The following ZNF622 variants were observed in gnomAD, a reference collection of about 807,000 sequenced individuals.
The protein encoded by ZNF622 is cytoplasmic 60S subunit biogenesis factor ZNF622.
ZNF622 carries 34 observed loss-of-function variants against 49.7 expected under a neutral mutation model. That is an observed-to-expected ratio of 0.68 (90% CI 0.52 to 0.91). The LOEUF (loss-of-function observed/expected upper bound fraction) is 0.91, where lower values mean the gene tolerates loss of function less well. Among genes scored for constraint, ZNF622 ranks in the 40% least tolerant of loss-of-function variants. ZNF622 has a pLI of 0.00. For synonymous variants in ZNF622, 209 were observed against 228.7 expected, an observed-to-expected ratio of 0.91 and a Z score of 0.78; for missense variants, 569 against 616.4, an observed-to-expected ratio of 0.92 and a Z score of 0.81.
chr5:16,463,256 C>T lies in ZNF622; in HGVS notation c.901G>A (p.Val301Ile). 2 of 1,597,110 alleles carry T rather than the reference C, an allele frequency of 1.3e-6. No individual in the cohort carries two copies. Among genetic ancestry groups the T allele is most frequent in the Non-Finnish European group, 1.7e-6 (2 of 1,176,008 alleles). ...TTGCACCACAAGCAAATCTTGCCAA[C>T]ACCAACTTTCTCTCCTAGAAAAATA... Reference protein sequence around the residue: ...LIKYLGEKVGVGKICLWCNEK... With the variant: ...LIKYLGEKVGIGKICLWCNEK... Residue 301 changes from valine (V) to isoleucine (I), a missense_variant, in exon 3 of 6, where the codon GTT (valine) becomes ATT (isoleucine). By Grantham distance (29) the Val-to-Ile change is conservative. Coordinates refer to ENST00000308683, the MANE Select transcript of ZNF622 (RefSeq NM_033414.3). The surrounding 1 kb of genome is among the most constrained non-coding windows in gnomAD (Gnocchi z 4.2).
intron 4 of ZNF622, among the ~76,000 whole-genome samples, chr5:16,454,518 A>ACAAAGGTATTG (rs1255217977): frequency 6.8e-6 from 1 of 146,296 alleles, no homozygotes; most frequent in Non-Finnish European, 1.5e-5. Flanking sequence ...AAACTATGGG[A>ACAAAGGTATTG]CAAAGGTATT....
intron 3 of ZNF622, among the ~76,000 whole-genome samples, chr5:16,460,248 T>C (rs1262332343): frequency 6.6e-6 from 1 of 152,224 alleles, no homozygotes; most frequent in Admixed American, 6.5e-5. Flanking sequence ...ATGTTCAGTA[T>C]GGACAAAATT....
rs1371793437 is a variant in ZNF622 at position 16,464,595 on chromosome 5, C to T, written c.625+446G>A. Among the ~76,000 whole-genome samples the T allele has an allele frequency of 2.6e-5, 4 of 152,286 alleles. 1 individual carries two copies. In the South Asian group the frequency reaches 8.3e-4, roughly 32 times the overall value. On this transcript the variant is annotated intron_variant, in intron 1 of 5. Transcript: ENST00000308683. ...AAAGGCAAAGAGGTGAGGGTGCTGG[C>T]TCCAGCTCCAAATTTCTGGCTGAGT...
chr5:16,463,527 C>G lies in ZNF622; in HGVS notation c.841G>C (p.Asp281His). The change falls in exon 2 of 6, where the codon GAT becomes CAT. Residue 281 changes from aspartate to histidine, a missense_variant. Coordinates refer to ENST00000308683, the MANE Select transcript of ZNF622 (RefSeq NM_033414.3). This position sits in a 1 kb window ranked among gnomAD's most constrained non-coding sequence, Gnocchi z 4.2. ...TTAATATCTGAAAGATATTCTATAT[C>G]AGGAATAAAGAAACTGTGGTCTTTG... ...MTKDHSFFIP[D>H]IEYLSDIKGL... 6.2e-7 allele frequency: 1 copy of G among 1,613,440 alleles called. No individual in the cohort carries two copies.
intron 5 of ZNF622, 123 bp downstream of exon 5, chr5:16,452,890 C>T: frequency 9.2e-7 from 1 of 1,086,056 alleles, no homozygotes; most frequent in South Asian, 4.2e-5. Flanking sequence ...TCCCTGGAGC[C>T]AAGACGTTAC....
intron 5 of ZNF622, among the ~76,000 whole-genome samples, chr5:16,452,463 A>C (rs1402815791): frequency 6.6e-6 from 1 of 152,230 alleles, no homozygotes; most frequent in Non-Finnish European, 1.5e-5. Context: ...ATTACAAAAA[A>C]GGGGACTGAT....
In ZNF622 at chr5:16,465,107, C is replaced by A. The variant is rs367840829; in HGVS notation, c.559G>T (p.Ala187Ser). The change falls in exon 1 of 6, where the codon GCG becomes TCG. Residue 187 changes from alanine (A) to serine (S), a missense_variant. Transcript: ENST00000308683. This position sits in a 1 kb window ranked among gnomAD's most constrained non-coding sequence, Gnocchi z 6.2. ...PPRLQWFEQQ[A>S]KKLAKQQEED... ...TCCTGCTGCTTTGCCAACTTCTTCG[C>A]CTGCTGTTCAAACCACTGGAGCCGG... is the stretch of plus-strand genomic sequence containing the variant. 2.6e-5 allele frequency: 42 copies of A among 1,613,110 alleles called. No individual in the cohort carries two copies. The highest frequency in any genetic ancestry group is 1.6e-4 in the Middle Eastern group (1 of 6,072).
intron 4 of ZNF622, among the ~76,000 whole-genome samples, chr5:16,455,326 A>G (rs1390178427): frequency 6.6e-6 from 1 of 152,236 alleles, no homozygotes; most frequent in East Asian, 1.9e-4. Flanking sequence ...GCATAAGAAA[A>G]TTATTTTGGT....
chr5:16,457,645 A>G (rs1210142783), intron 4 of ZNF622, among the ~76,000 whole-genome samples: 5 of 152,216 alleles, frequency 3.3e-5, no homozygotes, highest in Non-Finnish European at 7.3e-5. Context: ...GTGGAAAGCC[A>G]TAAGACAAGG....
chr5:16,457,127 T>C lies in ZNF622; in HGVS notation c.1162+1390A>G, dbSNP rs148400483. On this transcript the variant is annotated intron_variant, in intron 4 of 5. Coordinates refer to ENST00000308683, the MANE Select transcript of ZNF622 (RefSeq NM_033414.3). ...TCTAGATGAAAACTTCTCTGAAACA[T>C]CCTAGATTTCTTGAATAGATATGCT... Among the ~76,000 whole-genome samples, 48 of 152,346 alleles carry C rather than the reference T, an allele frequency of 3.2e-4. No individual in the cohort carries two copies. The East Asian group carries it at 8.5e-3, about 27-fold the overall frequency.
chr5:16,459,215 C>T (rs557317024), intron 3 of ZNF622, among the ~76,000 whole-genome samples: 5 of 152,250 alleles, frequency 3.3e-5, no homozygotes, highest in African/African-American at 1.2e-4. Context: ...AAAGGCTATT[C>T]ATAGATACAC....
In ZNF622 at chr5:16,465,278, C is replaced by T. The variant is rs1184168802; in HGVS notation, c.388G>A (p.Ala130Thr). The T allele has an allele frequency of 2.5e-6, 4 of 1,614,140 alleles. No homozygotes were observed. Among genetic ancestry groups the T allele is most frequent in the Admixed American group, 1.7e-5 (1 of 60,012 alleles). ...GCCTTGATGGCCTGCTGGATGGCCG[C>T]GTTCATGGCATCCTTGTCCACACTG... ...VDSVDKDAMNAAIQQAIKAQP... is the reference protein window; with the variant it reads ...VDSVDKDAMNTAIQQAIKAQP... The change falls in exon 1 of 6, where the codon GCG (alanine) becomes ACG (threonine). Residue 130 changes from alanine (A) to threonine (T), a missense_variant. Physicochemically the swap from Ala to Thr is moderately conservative, Grantham distance 58. Coordinates refer to ENST00000308683, the MANE Select transcript of ZNF622 (RefSeq NM_033414.3). This position sits in a 1 kb window ranked among gnomAD's most constrained non-coding sequence, Gnocchi z 6.2.
rs961943821 is a variant in ZNF622 at position 16,463,684 on chromosome 5, G to T, written c.684C>A (p.Asp228Glu). ...CCTCTGCATCCTGCTCCACCACATC[G>T]TCCATTGCTTCAGTATCCTCACATT... is the stretch of plus-strand genomic sequence containing the variant. ...ELECEDTEAM[D>E]DVVEQDAEEE... The change falls in exon 2 of 6, where the codon GAC (aspartate) becomes GAA (glutamate). Residue 228 changes from aspartate (D) to glutamate (E), a missense_variant. Coordinates refer to ENST00000308683, the MANE Select transcript of ZNF622 (RefSeq NM_033414.3). The surrounding 1 kb of genome is among the most constrained non-coding windows in gnomAD (Gnocchi z 4.2). 1.2e-6 allele frequency: 2 copies of T among 1,614,170 alleles called. No individual in the cohort carries two copies. Among genetic ancestry groups the T allele is most frequent in the South Asian group, 1.1e-5 (1 of 91,084 alleles).
chr5:16,453,167 A>G lies in ZNF622; in HGVS notation c.1163-11T>C. Reference sequence around the variant, plus strand: ...GACCCACTCTGGCACCTGTTTTTCAAAAGAGCAATACTGAAACACTGAGTT... The same window carrying G: ...GACCCACTCTGGCACCTGTTTTTCAGAAGAGCAATACTGAAACACTGAGTT... On this transcript the variant is annotated splice_polypyrimidine_tract_variant and intron_variant, in intron 4 of 5. Coordinates refer to ENST00000308683, the MANE Select transcript of ZNF622 (RefSeq NM_033414.3). 6.7e-7 allele frequency: 1 copy of G among 1,497,968 alleles called. No homozygotes were observed. The highest frequency in any genetic ancestry group is 9.0e-7 in the Non-Finnish European group (1 of 1,113,998). The allele number at this position is 1,497,968 out of a possible 1,614,324, so 92.8% of individuals were successfully genotyped here.
chr5:16,451,811 T>G, intron 5 of ZNF622, 27 bp from the exon 6 acceptor site: 8 of 1,603,780 alleles, frequency 5.0e-6, no homozygotes, highest in Middle Eastern at 1.7e-4. Flanking sequence ...GTTAAGAAAT[T>G]AGGCAAAGTT....
rs1392179668 is a variant in ZNF622 at position 16,465,078 on chromosome 5, C to G, written c.588G>C (p.Glu196Asp). The change falls in exon 1 of 6, where the codon GAG (glutamate) becomes GAC (aspartate). Residue 196 changes from glutamate to aspartate, a missense_variant. Glu to Asp is a conservative substitution (Grantham distance 45, BLOSUM62 2). Coordinates refer to ENST00000308683, the MANE Select transcript of ZNF622 (RefSeq NM_033414.3). The surrounding 1 kb of genome is among the most constrained non-coding windows in gnomAD (Gnocchi z 6.2). ...QAKKLAKQQEEDSEEEEEDLD... is the reference protein window; with the variant it reads ...QAKKLAKQQEDDSEEEEEDLD... ...GGTCCTCTTCCTCCTCCTCGCTGTC[C>G]TCCTCCTGCTGCTTTGCCAACTTCT... The G allele has an allele frequency of 6.2e-7, 1 of 1,608,022 alleles. No individual in the cohort carries two copies. Among genetic ancestry groups the G allele is most frequent in the East Asian group, 2.2e-5 (1 of 44,764 alleles).
Position 16,463,456 on chromosome 5 carries a change from A to T in ZNF622, c.886+26T>A. 1.9e-6 allele frequency: 3 copies of T among 1,588,672 alleles called. No individual in the cohort carries two copies. The highest frequency in any genetic ancestry group is 2.6e-6 in the Non-Finnish European group (3 of 1,164,624). On this transcript the variant is annotated intron_variant, in intron 2 of 5. Coordinates refer to ENST00000308683, the MANE Select transcript of ZNF622 (RefSeq NM_033414.3). The surrounding 1 kb of genome is among the most constrained non-coding windows in gnomAD (Gnocchi z 4.2). ...CCCCCAATAATGTGATTATTTCCTC[A>T]TTAAAAGGAAAACTATTGTACTTAC...
At chr5:16,459,807 A>G (rs1738096054) in intron 3 of ZNF622, among the ~76,000 whole-genome samples, 1 of 152,228 alleles carries the variant, frequency 6.6e-6, no homozygotes, top group South Asian at 2.1e-4. Flanking sequence ...CATTTATATA[A>G]AGTATAAAAA....
chr5:16,459,855 G>T (rs901017268), intron 3 of ZNF622, among the ~76,000 whole-genome samples: 1 of 152,186 alleles, frequency 6.6e-6, no homozygotes. Flanking sequence ...AGTCAGAATA[G>T]TAGTTACTCT....
Sources: gnomAD v4.1 joint callset for allele counts (sites outside exome capture counted in the v4.1 genomes callset) on GRCh38, gnomAD v4.1.1 for gene constraint, Gnocchi (gnomAD v3.1) non-coding constraint, MANE v1.5 for transcripts, NCBI Gene and HGNC (gene_info 2026-07-23, HGNC 2026-07-21) for gene names.